Variants in KPNB1 observed in about 807,000 individuals in gnomAD.
KPNB1 encodes karyopherin subunit beta 1.
Under a neutral mutation model 113.0 loss-of-function variants are expected in KPNB1, and 7 were observed. The ratio of observed to expected loss-of-function variants is 0.06; its 90% CI spans 0.04 to 0.12. The LOEUF (loss-of-function observed/expected upper bound fraction) is 0.12, where lower values mean the gene tolerates loss of function less well. Ranked by LOEUF, KPNB1 falls within the 10% of genes least tolerant of loss-of-function variation. KPNB1 has a pLI of 1.00. For synonymous variants in KPNB1, 363 were observed against 378.6 expected (o/e 0.96, Z 0.48); for missense variants, 400 against 1,054.8 (o/e 0.38, Z 8.60).
Position 47,661,116 on chromosome 17 carries a change from C to T in KPNB1, c.637-3C>T, listed in dbSNP as rs533806417. On this transcript the variant is annotated splice_polypyrimidine_tract_variant and splice_region_variant and intron_variant, in intron 5 of 21. Coordinates refer to ENST00000290158, the MANE Select transcript of KPNB1 (RefSeq NM_002265.6). ...ATTCTCTTTATTTTTATTCCTCCTA[C>T]AGTCTGAAAGGCACTTTATTATGCA... 1.2e-4 allele frequency: 200 copies of T among 1,609,474 alleles called. 3 individuals carry two copies. The South Asian group carries it at 2.1e-3, about 17-fold the overall frequency.
intron 3 of KPNB1, among the ~76,000 whole-genome samples, chr17:47,654,792 CTA>C (rs899564049): frequency 6.6e-6 from 1 of 152,104 alleles, no homozygotes; most frequent in Non-Finnish European, 1.5e-5. Context: ...TACTAGGAGA[CTA>C]TGTAGTGTGG....
chr17:47,671,597 G>A (rs1047437446), intron 12 of KPNB1: 1 of 151,726 alleles, frequency 6.6e-6, no homozygotes, highest in Non-Finnish European at 1.5e-5. Context: ...GGAGTGCAGT[G>A]GCGCAATCTC....
intron 21 of KPNB1, among the ~76,000 whole-genome samples, chr17:47,681,686 G>GTTTTTT (rs59222945): frequency 7.3e-4 from 70 of 96,018 alleles, no homozygotes; most frequent in African/African-American, 1.3e-3. Context: ...GGAATTATAG[G>GTTTTTT]TTTTTTTTTT....
In KPNB1 at chr17:47,666,550, A is replaced by G. The variant is rs1164181441; in HGVS notation, c.999+1392A>G. Among the ~76,000 whole-genome samples, 6 of 118,974 alleles carry G rather than the reference A, an allele frequency of 5.0e-5. No homozygotes were observed. In the East Asian group the frequency reaches 1.7e-3, roughly 35 times the overall value. The allele number at this position is 118,974 out of a possible 152,430, so 78.1% of individuals were successfully genotyped here. A position where few individuals can be genotyped will look rare whatever the true frequency, so the allele number is the denominator to read the frequency against. The stretch of plus-strand genomic sequence containing the variant: ...TATTATGTTATATATTATATATTAT[A>G]TATTATGTTATATGTTATATATTTT... On this transcript the variant is annotated intron_variant, in intron 9 of 21. Transcript: ENST00000290158.
chr17:47,679,971 A>T, intron 19 of KPNB1, 49 bp from the exon 20 acceptor site: 1 of 1,224,554 alleles, frequency 8.2e-7, no homozygotes, highest in Non-Finnish European at 1.2e-6. Context: ...TGCTGGGTTT[A>T]CAGGCATGAG....
Position 47,683,090 on chromosome 17 carries a change from TAAAAAAAAAAAA to T in KPNB1, c.*704_*715del, listed in dbSNP as rs1157291179. The T allele has an allele frequency of 1.2e-3, 20 of 17,256 alleles. 1 individual carries two copies. The highest frequency in any genetic ancestry group is 4.4e-3 in the East Asian group (2 of 454). The allele number at this position is 17,256 out of a possible 1,614,324, so 1.1% of individuals were successfully genotyped here. On this transcript the variant is annotated 3_prime_UTR_variant, in exon 22 of 22. Coordinates refer to ENST00000290158, the MANE Select transcript of KPNB1 (RefSeq NM_002265.6). ...GTTTACTGATGCAGCACAAGAGATG[TAAAAAAAAAAAA>T]AAAAAAAAAAAAAAAAACACACACA...
chr17:47,681,600 G>T (rs992997106), intron 21 of KPNB1, among the ~76,000 whole-genome samples: 2 of 150,450 alleles, frequency 1.3e-5, no homozygotes, highest in African/African-American at 4.9e-5. Context: ...TAAAGATGGG[G>T]TTTCACCATG....
At chr17:47,658,777 G>A in intron 5 of KPNB1, 117 bp downstream of exon 5, 2 of 835,436 alleles carry the variant, frequency 2.4e-6, no homozygotes. Flanking sequence ...CTACTTAAAA[G>A]TATTTGTTTC....
intron 8 of KPNB1, among the ~76,000 whole-genome samples, 190 bp from the exon 9 acceptor site, chr17:47,664,867 T>A (rs56226803): frequency 0.52 from 78,790 of 152,006 alleles, 20,877 homozygotes; most frequent in African/African-American, 0.61. Flanking sequence ...TGGACCTATA[T>A]TATATGGCCT....
At chr17:47,666,296 G>A (rs928840129) in intron 9 of KPNB1, among the ~76,000 whole-genome samples, 41 of 150,770 alleles carry the variant, frequency 2.7e-4, no homozygotes, top group Non-Finnish European at 3.0e-4. Context: ...CAAGTGATCC[G>A]CCCGCCTCAG....
intron 2 of KPNB1, 129 bp downstream of exon 2, chr17:47,650,573 C>T: frequency 2.7e-6 from 2 of 751,892 alleles, no homozygotes; most frequent in Non-Finnish European, 4.4e-6. Flanking sequence ...CCCCCTCCCC[C>T]TCCCCCCCCA....
At position 47,683,110 on chromosome 17, in the gene KPNB1, A is replaced by AAAAAAAAAAAAAC. The variant is rs2030838491; in HGVS notation, c.*715_*716insAAACAAAAAAAAA. The AAAAAAAAAAAAAC allele has an allele frequency of 6.8e-6, 1 of 147,348 alleles. No homozygotes were observed. The highest frequency in any genetic ancestry group is 2.5e-5 in the African/African-American group (1 of 40,222). 9.1% of individuals were successfully genotyped at this position (147,348 alleles called of 1,614,324 possible). On this transcript the variant is annotated 3_prime_UTR_variant, in exon 22 of 22. Transcript: ENST00000290158. Reference sequence around the variant, plus strand: ...AGATGTAAAAAAAAAAAAAAAAAAAAAAAAAAAAACACACACACAGAGGAA... The same window carrying AAAAAAAAAAAAAC: ...AGATGTAAAAAAAAAAAAAAAAAAAAAAAAAAAAAAAACAAAAAAAAACACACACACAGAGGAA...
chr17:47,658,525 A>G lies in KPNB1; in HGVS notation c.501A>G (p.Gln167=). 6.2e-7 allele frequency: 1 copy of G among 1,613,326 alleles called. No homozygotes were observed. Among genetic ancestry groups the G allele is most frequent in the Non-Finnish European group, 8.5e-7 (1 of 1,180,006 alleles). Reference sequence around the variant, plus strand: ...TGTTACAGGACCCAGAGCAGCTACAAGATAAATCCAATGAGATTCTGACTG... The same window carrying G: ...TGTTACAGGACCCAGAGCAGCTACAGGATAAATCCAATGAGATTCTGACTG... The part of the protein sequence containing the change: ...ICQDIDPEQL[Q]DKSNEILTAI... The change falls in exon 5 of 22, where the codon CAA becomes CAG. Residue 167 remains glutamine (Q), a synonymous_variant. Coordinates refer to ENST00000290158, the MANE Select transcript of KPNB1 (RefSeq NM_002265.6).
At chr17:47,654,767 T>G (rs977742291) in intron 3 of KPNB1, among the ~76,000 whole-genome samples, 1 of 152,202 alleles carries the variant, frequency 6.6e-6, no homozygotes. Flanking sequence ...TGGGATTCAG[T>G]GCACTCCACA....
At chr17:47,672,238 C>T (rs1193112374) in intron 12 of KPNB1, among the ~76,000 whole-genome samples, 2 of 151,660 alleles carry the variant, frequency 1.3e-5, no homozygotes, top group South Asian at 2.1e-4. Flanking sequence ...ACTCCTGACA[C>T]CTCAGGTGAT....
chr17:47,654,199 G>T (rs541615760), intron 3 of KPNB1, among the ~76,000 whole-genome samples: 3 of 152,126 alleles, frequency 2.0e-5, no homozygotes, highest in Non-Finnish European at 4.4e-5. Context: ...TGGATCACCT[G>T]AGGTCAGGAG....
intron 4 of KPNB1, among the ~76,000 whole-genome samples, chr17:47,658,106 A>G (rs1289845577): frequency 6.6e-6 from 1 of 152,074 alleles, no homozygotes; most frequent in Non-Finnish European, 1.5e-5. Flanking sequence ...CAGAAGAAGG[A>G]CTGCTTCTGT....
At chr17:47,676,115 C>T (rs1332379543) in intron 15 of KPNB1, among the ~76,000 whole-genome samples, 1 of 152,074 alleles carries the variant, frequency 6.6e-6, no homozygotes, top group African/African-American at 2.4e-5. Context: ...TTAAAATTAA[C>T]CTTGACATTC....
At chr17:47,679,986 C>T (rs906664884) in intron 19 of KPNB1, 34 bp from the exon 20 acceptor site, 27 of 1,463,038 alleles carry the variant, frequency 1.8e-5, no homozygotes, top group Middle Eastern at 1.7e-4. Flanking sequence ...CATGAGCCAC[C>T]GCACCCGACC....
Sources: gnomAD v4.1 joint callset for allele counts (sites outside exome capture counted in the v4.1 genomes callset) on GRCh38, gnomAD v4.1.1 for gene constraint, MANE v1.5 for transcripts, NCBI Gene and HGNC (gene_info 2026-07-23, HGNC 2026-07-21) for gene names.